The following ZFPM2 variants were observed in gnomAD, a reference collection of about 807,000 sequenced individuals.
The protein encoded by ZFPM2 is zinc finger protein, FOG family member 2.
A neutral mutation model predicts 98.6 loss-of-function variants in ZFPM2; 20 were observed. That is an observed-to-expected ratio of 0.20 (90% CI 0.14 to 0.29). The LOEUF (loss-of-function observed/expected upper bound fraction) is 0.29, where lower values mean the gene tolerates loss of function less well. Ranked by LOEUF, ZFPM2 falls within the 10% of genes least tolerant of loss-of-function variation. The pLI is 1.00. For missense variants in ZFPM2, 1,310 were observed against 1,388.6 expected, an observed-to-expected ratio of 0.94 and a Z score of 0.90; for synonymous variants, 518 against 502.7, an observed-to-expected ratio of 1.03 and a Z score of -0.41.
intron 3 of ZFPM2, among the ~76,000 whole-genome samples, chr8:105,555,640 T>C (rs1814970352): frequency 6.6e-6 from 1 of 152,172 alleles, no homozygotes; most frequent in Non-Finnish European, 1.5e-5. Context: ...ATGTTTCTGT[T>C]GAGGTGAACT....
chr8:105,464,673 T>A (rs971181983), intron 3 of ZFPM2, among the ~76,000 whole-genome samples: 1 of 151,720 alleles, frequency 6.6e-6, no homozygotes, highest in African/African-American at 2.4e-5. Context: ...CATGTAACAA[T>A]GTTAAATAAT....
chr8:105,592,312 A>G (rs1272218657), intron 4 of ZFPM2, among the ~76,000 whole-genome samples: 1 of 152,174 alleles, frequency 6.6e-6, no homozygotes, highest in African/African-American at 2.4e-5. Flanking sequence ...TTAAGAATTG[A>G]AAAATCATCT....
chr8:105,374,632 T>C (rs1356630865), intron 1 of ZFPM2, among the ~76,000 whole-genome samples: 6 of 152,090 alleles, frequency 3.9e-5, no homozygotes, highest in African/African-American at 1.4e-4. Flanking sequence ...GCAATCCTCT[T>C]GCCTCAGCCT....
chr8:105,795,429 G>C (rs1422612072), intron 6 of ZFPM2, among the ~76,000 whole-genome samples: 1 of 151,620 alleles, frequency 6.6e-6, no homozygotes, highest in Non-Finnish European at 1.5e-5. Context: ...CTGTGAGAAG[G>C]CGAGCACCTT....
intron 5 of ZFPM2, among the ~76,000 whole-genome samples, chr8:105,688,442 A>G (rs1170574400): frequency 1.3e-5 from 2 of 152,164 alleles, no homozygotes; most frequent in Non-Finnish European, 2.9e-5. Flanking sequence ...AATAACAAAA[A>G]TTATTTGACA....
At chr8:105,637,716 G>A (rs1476653662) in intron 5 of ZFPM2, among the ~76,000 whole-genome samples, 1 of 151,892 alleles carries the variant, frequency 6.6e-6, no homozygotes, top group African/African-American at 2.4e-5. Flanking sequence ...TATGATCCCG[G>A]GAGGCACTCC....
intron 1 of ZFPM2, among the ~76,000 whole-genome samples, chr8:105,334,000 C>A (rs1195142846): frequency 6.6e-6 from 1 of 150,842 alleles, no homozygotes; most frequent in East Asian, 2.0e-4. Context: ...CAGTTTTTAA[C>A]CAAATATAAT....
intron 1 of ZFPM2, among the ~76,000 whole-genome samples, chr8:105,360,399 A>G (rs1484376177): frequency 6.6e-6 from 1 of 152,208 alleles, no homozygotes; most frequent in Non-Finnish European, 1.5e-5. Flanking sequence ...GAAAAATGGA[A>G]TTGCATACTT....
intron 3 of ZFPM2, among the ~76,000 whole-genome samples, chr8:105,451,991 G>A (rs1039300054): frequency 1.3e-5 from 2 of 152,174 alleles, no homozygotes; most frequent in Non-Finnish European, 2.9e-5. Flanking sequence ...ACTAAAAAAT[G>A]TAGGTGTGGT....
chr8:105,739,629 A>T (rs181335583), intron 5 of ZFPM2, among the ~76,000 whole-genome samples: 1 of 151,408 alleles, frequency 6.6e-6, no homozygotes. Context: ...TTATTTTGTC[A>T]TGAGAGAATG....
chr8:105,521,919 G>A (rs1021870268), intron 3 of ZFPM2, among the ~76,000 whole-genome samples: 7 of 152,086 alleles, frequency 4.6e-5, no homozygotes, highest in African/African-American at 1.4e-4. Context: ...GGAAGAACTT[G>A]CCTTCTATGG....
At chr8:105,572,791 AT>A (rs1331135871) in intron 4 of ZFPM2, among the ~76,000 whole-genome samples, 2 of 152,096 alleles carry the variant, frequency 1.3e-5, no homozygotes, top group Non-Finnish European at 2.9e-5. Context: ...TTTATTATTC[AT>A]TGACTCTTAC....
intron 1 of ZFPM2, among the ~76,000 whole-genome samples, chr8:105,410,919 A>G (rs1811563697): frequency 6.6e-6 from 1 of 151,172 alleles, no homozygotes; most frequent in African/African-American, 2.4e-5. Flanking sequence ...CACTTTGGGG[A>G]AAAAAAAATT....
chr8:105,639,216 G>T (rs980169876), intron 5 of ZFPM2, among the ~76,000 whole-genome samples: 3 of 151,974 alleles, frequency 2.0e-5, no homozygotes, highest in African/African-American at 7.2e-5. Flanking sequence ...TCTACCGTTT[G>T]CAAAGTATGG....
chr8:105,773,996 T>G (rs1354152682), intron 5 of ZFPM2, among the ~76,000 whole-genome samples: 7 of 152,194 alleles, frequency 4.6e-5, no homozygotes, highest in Non-Finnish European at 1.5e-5. Flanking sequence ...AGAATTAGAC[T>G]TCACATAATT....
intron 5 of ZFPM2, among the ~76,000 whole-genome samples, chr8:105,785,408 TTTGGACTTTGCAGTTGG>T (rs879662344): frequency 0.16 from 24,243 of 151,080 alleles, 3,617 homozygotes; most frequent in African/African-American, 0.38. Context: ...TGACCCTGTG[TTTGGACTTTGCAGTTGG>T]ACAGACAAAA....
At chr8:105,703,710 T>C (rs942717177) in intron 5 of ZFPM2, among the ~76,000 whole-genome samples, 4 of 152,198 alleles carry the variant, frequency 2.6e-5, no homozygotes, top group African/African-American at 4.8e-5. Context: ...TGCATTCATA[T>C]ATAGATCAAT....
In ZFPM2 at chr8:105,688,832, CTATTATGTACATAG is replaced by C. The variant is rs1438092869; in HGVS notation, c.532+54478_532+54491del. Among the ~76,000 whole-genome samples, 10 of 152,034 alleles carry C rather than the reference CTATTATGTACATAG, an allele frequency of 6.6e-5. No homozygotes were observed. In the East Asian group the frequency reaches 7.7e-4, roughly 12 times the overall value. ...CTATCATGTACTTAGCAAATATTGT[CTATTATGTACATAG>C]TAAGCATAAATTACTCAGAAATATT... is the stretch of plus-strand genomic sequence containing the variant. On this transcript the variant is annotated intron_variant, in intron 5 of 7. Transcript: ENST00000407775.
intron 1 of ZFPM2, among the ~76,000 whole-genome samples, chr8:105,350,378 C>T (rs949170156): frequency 2.0e-5 from 3 of 151,900 alleles, no homozygotes; most frequent in Non-Finnish European, 2.9e-5. Flanking sequence ...CCTGGGTGCT[C>T]TAAGGTTAAA....
Sources: allele counts gnomAD v4.1 joint callset (sites outside exome capture counted in the v4.1 genomes callset), GRCh38; gene constraint gnomAD v4.1.1; transcripts MANE v1.5; gene names NCBI Gene and HGNC (gene_info 2026-07-23, HGNC 2026-07-21).